Variants in GPR107 observed in about 807,000 individuals in gnomAD.
GPR107 encodes G protein-coupled receptor 107, also known as protein GPR107.
A neutral mutation model predicts 75.5 loss-of-function variants in GPR107; 31 were observed. The observed-to-expected ratio is 0.41, with a 90% CI of 0.31 to 0.55. The LOEUF is 0.55. Among genes scored for constraint, GPR107 ranks in the 20% least tolerant of loss-of-function variants. The pLI is 0.26. For missense variants in GPR107, 572 were observed against 665.7 expected, an observed-to-expected ratio of 0.86 and a Z score of 1.55; for synonymous variants, 267 against 251.3, an observed-to-expected ratio of 1.06 and a Z score of -0.59.
chr9:130,069,066 A>T (rs1015246264), intron 1 of GPR107, among the ~76,000 whole-genome samples: 2 of 152,126 alleles, frequency 1.3e-5, no homozygotes, highest in Non-Finnish European at 2.9e-5. Flanking sequence ...ATTTGGTTGT[A>T]AAAAGTATGT....
intron 9 of GPR107, among the ~76,000 whole-genome samples, chr9:130,098,033 C>T (rs549823384): frequency 1.2e-4 from 18 of 152,128 alleles, no homozygotes; most frequent in South Asian, 4.2e-4. Flanking sequence ...AGGTGTGCAC[C>T]GCCACACCCA....
intron 14 of GPR107, among the ~76,000 whole-genome samples, chr9:130,120,182 T>G (rs2132641102): frequency 6.6e-6 from 1 of 152,306 alleles, no homozygotes; most frequent in Non-Finnish European, 1.5e-5. Context: ...CAAGGTCCAT[T>G]TGTCAGTCTT....
chr9:130,079,763 A>G lies in GPR107; in HGVS notation c.520A>G (p.Thr174Ala), dbSNP rs765581698. ...PASAGNQTQK[T>A]QDGGKSKRST... is the part of the protein sequence containing the mutation. Reference sequence around the variant, plus strand: ...TTCAGCAGGCAACCAGACCCAGAAGACACAAGGTAAACCGTAAGGTGGAAA... The same window carrying G: ...TTCAGCAGGCAACCAGACCCAGAAGGCACAAGGTAAACCGTAAGGTGGAAA... The change falls in exon 5 of 18, where the codon ACA becomes GCA. Residue 174 changes from threonine to alanine, a missense_variant. Coordinates refer to ENST00000347136, the MANE Select transcript of GPR107 (RefSeq NM_020960.5). 1 of 1,609,052 alleles carries G rather than the reference A, an allele frequency of 6.2e-7. No homozygotes were observed. Among genetic ancestry groups the G allele is most frequent in the Admixed American group, 1.7e-5 (1 of 59,194 alleles).
At chr9:130,118,358 T>C (rs1322367525) in intron 14 of GPR107, among the ~76,000 whole-genome samples, 1 of 152,092 alleles carries the variant, frequency 6.6e-6, no homozygotes, top group African/African-American at 2.4e-5. Context: ...CCTTCTTAGT[T>C]CCTCTTTCAC....
In GPR107 at chr9:130,135,307, G is replaced by T. The variant is rs190868846; in HGVS notation, c.*186G>T. The T allele has an allele frequency of 6.0e-6, 3 of 498,896 alleles. No homozygotes were observed. The highest frequency in any genetic ancestry group is 6.0e-5 in the African/African-American group (3 of 50,222). The allele number at this position is 498,896 out of a possible 1,614,324, so 30.9% of individuals were successfully genotyped here. On this transcript the variant is annotated 3_prime_UTR_variant, in exon 18 of 18. Coordinates refer to ENST00000347136, the MANE Select transcript of GPR107 (RefSeq NM_020960.5). ...CTCTCTTTTATGGAAACGATCTGTG[G>T]CTGTTTAGAGGCAGCTGGATCCTCT...
intron 11 of GPR107, 84 bp downstream of exon 11, chr9:130,100,786 C>T: frequency 4.2e-6 from 4 of 958,180 alleles, no homozygotes; most frequent in Non-Finnish European, 6.8e-6. Context: ...CCAAGTTAAC[C>T]AGCCCTGCCC....
chr9:130,087,902 A>C (rs991045471), intron 7 of GPR107, among the ~76,000 whole-genome samples: 1 of 151,712 alleles, frequency 6.6e-6, no homozygotes, highest in Non-Finnish European at 1.5e-5. Context: ...ATACCCATGT[A>C]ATTCACTGTC....
At chr9:130,102,545 C>A (rs867547306) in intron 12 of GPR107, among the ~76,000 whole-genome samples, 1 of 152,140 alleles carries the variant, frequency 6.6e-6, no homozygotes. Flanking sequence ...AGTATTTAGA[C>A]AATAGAACTA....
chr9:130,060,053 A>G (rs964546308), intron 1 of GPR107, among the ~76,000 whole-genome samples: 3 of 150,334 alleles, frequency 2.0e-5, no homozygotes, highest in East Asian at 2.0e-4. Context: ...TCAGTAAATA[A>G]GTTTTATTTC....
At chr9:130,118,584 TAGA>T (rs966995239) in intron 14 of GPR107, among the ~76,000 whole-genome samples, 8 of 151,806 alleles carry the variant, frequency 5.3e-5, no homozygotes, top group African/African-American at 1.9e-4. Flanking sequence ...GAGTTGGAGG[TAGA>T]GGAGCCCACA....
intron 9 of GPR107, among the ~76,000 whole-genome samples, chr9:130,096,891 C>A (rs908604255): frequency 3.9e-5 from 6 of 152,206 alleles, no homozygotes; most frequent in Non-Finnish European, 8.8e-5. Context: ...TGCGATCTAG[C>A]CATGTGGCTG....
At position 130,128,636 on chromosome 9, in the gene GPR107, G is replaced by T; in HGVS notation, c.1441-4G>T. On this transcript the variant is annotated splice_polypyrimidine_tract_variant and splice_region_variant and intron_variant, in intron 16 of 17. Transcript: ENST00000347136. ...TTATTTTGGGGTGGTTTTTAAACTTGCAGCTCCTGGATGAAACGGCCACAC... is the reference window on the plus strand; with the variant it reads ...TTATTTTGGGGTGGTTTTTAAACTTTCAGCTCCTGGATGAAACGGCCACAC... 6.2e-7 allele frequency: 1 copy of T among 1,610,968 alleles called. No individual in the cohort carries two copies. Among genetic ancestry groups the T allele is most frequent in the Non-Finnish European group, 8.5e-7 (1 of 1,177,460 alleles).
chr9:130,073,267 C>T (rs200376411), intron 1 of GPR107, among the ~76,000 whole-genome samples: 2 of 152,164 alleles, frequency 1.3e-5, no homozygotes, highest in African/African-American at 4.8e-5. Flanking sequence ...AGAATGAAGC[C>T]CTAATGTGCT....
chr9:130,069,381 C>G (rs112138426), intron 1 of GPR107, among the ~76,000 whole-genome samples: 6,236 of 152,244 alleles, frequency 0.041, 426 homozygotes, highest in African/African-American at 0.14. Flanking sequence ...GAGAATGTAG[C>G]TGAACCTCCA....
chr9:130,106,446 A>C (rs929065158), intron 13 of GPR107, among the ~76,000 whole-genome samples: 1 of 151,820 alleles, frequency 6.6e-6, no homozygotes, highest in Non-Finnish European at 1.5e-5. Flanking sequence ...AAAATATAAA[A>C]ATTAGCTGGG....
chr9:130,102,320 C>T (rs115164920), intron 12 of GPR107, among the ~76,000 whole-genome samples: 2,543 of 152,292 alleles, frequency 0.017, 62 homozygotes, highest in African/African-American at 0.052. Flanking sequence ...TTGTGAATGA[C>T]GGAGACTGGG....
At position 130,054,635 on chromosome 9, in the gene GPR107, G is replaced by A. The variant is rs139627009; in HGVS notation, c.141+562G>A. Among the ~76,000 whole-genome samples the A allele has an allele frequency of 7.7e-4, 118 of 152,288 alleles. 2 individuals are homozygous for A. The highest frequency in any genetic ancestry group is 2.8e-3 in the African/African-American group (116 of 41,556). ...ATTAAGGTGTGTCTCTAATCAAAGGGCCTGCTTTTTCTTCCTCTATCCAGC... is the reference window on the plus strand; with the variant it reads ...ATTAAGGTGTGTCTCTAATCAAAGGACCTGCTTTTTCTTCCTCTATCCAGC... On this transcript the variant is annotated intron_variant, in intron 1 of 17. Transcript: ENST00000347136.
At chr9:130,078,989 C>T (rs1314842081) in intron 4 of GPR107, among the ~76,000 whole-genome samples, 2 of 152,182 alleles carry the variant, frequency 1.3e-5, no homozygotes, top group East Asian at 3.9e-4. Context: ...GACGGGGTCT[C>T]GCTCTGTGGC....
chr9:130,075,241 CTTTT>C (rs149248581), intron 1 of GPR107, among the ~76,000 whole-genome samples: 15 of 76,698 alleles, frequency 2.0e-4, no homozygotes, highest in Non-Finnish European at 2.3e-4. Flanking sequence ...TTTCTTTTAC[CTTTT>C]TTTTTTTTTT....
Sources: allele counts gnomAD v4.1 joint callset (sites outside exome capture counted in the v4.1 genomes callset), GRCh38; gene constraint gnomAD v4.1.1; transcripts MANE v1.5; gene names NCBI Gene and HGNC (gene_info 2026-07-23, HGNC 2026-07-21).